Variants in PABIR3 observed in about 807,000 individuals in gnomAD.
PABIR3 encodes the protein PABIR family member 3.
Under a neutral mutation model 23.1 loss-of-function variants are expected in PABIR3, and 20 were observed. The ratio of observed to expected loss-of-function variants is 0.86; its 90% confidence interval spans 0.61 to 1.26. PABIR3 has a LOEUF of 1.26. Ranked by LOEUF, PABIR3 falls within the 50% of genes most tolerant of loss-of-function variation. The pLI, the probability that PABIR3 is intolerant of heterozygous loss-of-function variation, is 0.00. For missense variants in PABIR3, 189 were observed against 195.4 expected (o/e 0.97, Z 0.20); for synonymous variants, 69 against 68.5 (o/e 1.01, Z -0.04).
chrX:134,804,119 C>T (rs896549293), upstream of PABIR3: 4 of 774,488 alleles, frequency 5.2e-6, no homozygotes, highest in South Asian at 2.3e-5. Flanking sequence ...CTGGGACAGA[C>T]GCAGCAGACT....
chrX:134,800,410 G>A (rs1461682678), intron 1 of PABIR3, among the ~76,000 whole-genome samples: 2 of 111,318 alleles, frequency 1.8e-5, no homozygotes, highest in African/African-American at 6.5e-5. Flanking sequence ...ATTGCAGTGA[G>A]AGATCACGCC....
intron 2 of PABIR3, chrX:134,811,025 T>A: frequency 4.0e-6 from 3 of 754,503 alleles, no homozygotes; most frequent in Non-Finnish European, 4.7e-6. Context: ...TGCTTGATGT[T>A]TCTTCTATAT....
intron 1 of PABIR3, among the ~76,000 whole-genome samples, chrX:134,799,015 A>G (rs1178744021): frequency 8.9e-6 from 1 of 112,436 alleles, no homozygotes; most frequent in Non-Finnish European, 1.9e-5. Context: ...ACTCAATGAA[A>G]AAGTGTTTAA....
At chrX:134,816,814 A>G (rs2081004921) in intron 3 of PABIR3, among the ~76,000 whole-genome samples, 1 of 112,305 alleles carries the variant, frequency 8.9e-6, no homozygotes, top group Admixed American at 9.5e-5. Flanking sequence ...TTATAATATG[A>G]TTTGTAATGT....
chrX:134,839,902 G>A (rs1282292139), intron 4 of PABIR3, among the ~76,000 whole-genome samples: 1 of 112,812 alleles, frequency 8.9e-6, no homozygotes, highest in Non-Finnish European at 1.9e-5. Context: ...TGACAATGGC[G>A]GTTTTGTGGA....
chrX:134,846,760 G>A (rs894443740), intron 6 of PABIR3, among the ~76,000 whole-genome samples: 5 of 111,709 alleles, frequency 4.5e-5, no homozygotes, highest in Non-Finnish European at 7.5e-5. Flanking sequence ...ACAATTGATC[G>A]ATACTGCTGG....
At chrX:134,847,308 G>C (rs1410282237) in intron 6 of PABIR3, 75 bp from the exon 7 acceptor site, 2 of 766,622 alleles carry the variant, frequency 2.6e-6, no homozygotes, top group Non-Finnish European at 3.9e-6. Context: ...TCACTTCCCT[G>C]TGCAACAGGT....
rs185240191 is a variant in PABIR3, at chrX:134,808,917, G to A, written c.110+1209G>A. ...GGTGATACTTCCCCCAAGGGGAAGA[G>A]AAAATAGTTCTTGGGGGAGTGTGAA... On this transcript the variant is annotated intron_variant, in intron 2 of 10. Coordinates refer to ENST00000645433, the MANE Select transcript of PABIR3 (RefSeq NM_001388447.1). Among the ~76,000 whole-genome samples the A allele has an allele frequency of 8.9e-3, 998 of 112,025 alleles. 13 individuals are homozygous for A. Among genetic ancestry groups the A allele is most frequent in the African/African-American group, 0.031 (946 of 30,816 alleles).
At chrX:134,808,814 G>A (rs1216074943) in intron 2 of PABIR3, among the ~76,000 whole-genome samples, 4 of 112,340 alleles carry the variant, frequency 3.6e-5, no homozygotes, top group African/African-American at 1.3e-4. Flanking sequence ...ACTGCTCCTG[G>A]CCTACACCTA....
chrX:134,807,496 T>C (rs1281742048), intron 1 of PABIR3, 44 bp from the exon 2 acceptor site: 2 of 1,159,003 alleles, frequency 1.7e-6, no homozygotes, highest in Non-Finnish European at 2.3e-6. Context: ...CTCTTCTCTT[T>C]TTCCCCTTTG....
At chrX:134,810,706 T>C (rs922156086) in intron 2 of PABIR3, 62 of 752,580 alleles carry the variant, frequency 8.2e-5, no homozygotes, top group South Asian at 4.1e-4. Flanking sequence ...CCTTTTTTTT[T>C]CCTTCCTTGG....
chrX:134,833,087 G>A (rs768498342), intron 4 of PABIR3: 2 of 110,857 alleles, frequency 1.8e-5, no homozygotes, highest in Non-Finnish European at 3.8e-5. Context: ...TTGCAGTGGG[G>A]GGGTGCTGGA....
downstream of PABIR3, among the ~76,000 whole-genome samples, chrX:134,855,742 C>T (rs1444244859): frequency 8.9e-6 from 1 of 111,756 alleles, no homozygotes; most frequent in Non-Finnish European, 1.9e-5. Context: ...GGAGAAGATT[C>T]TATTCAATTA....
At chrX:134,828,047 C>CTCTCTCTCTCTCTCTCTCTA (rs1466733144) in intron 3 of PABIR3, among the ~76,000 whole-genome samples, 4 of 49,416 alleles carry the variant, frequency 8.1e-5, no homozygotes, top group African/African-American at 3.3e-4. Flanking sequence ...CTCTCTCTCT[C>CTCTCTCTCTCTCTCTCTCTA]TATATATATA....
chrX:134,847,781 C>T (rs760233210), intron 7 of PABIR3, 102 bp from the exon 8 acceptor site: 18 of 607,658 alleles, frequency 3.0e-5, no homozygotes, highest in Non-Finnish European at 4.4e-5. Context: ...CTTTTGTACC[C>T]CAGTCTCCCT....
At chrX:134,834,431 T>A (rs2081909201) in intron 4 of PABIR3, among the ~76,000 whole-genome samples, 2 of 112,275 alleles carry the variant, frequency 1.8e-5, no homozygotes, top group African/African-American at 6.5e-5. Context: ...ATGGGTAGAT[T>A]GCAAAACTTA....
intron 4 of PABIR3, among the ~76,000 whole-genome samples, chrX:134,832,394 C>CTTTT (rs1162024470): frequency 9.1e-5 from 7 of 77,036 alleles, no homozygotes; most frequent in Non-Finnish European, 1.4e-4. Context: ...GACTGGATCC[C>CTTTT]TTTTTTTTTT....
chrX:134,829,184 CA>C, intron 3 of PABIR3, 41 bp from the exon 4 acceptor site: 2 of 1,104,105 alleles, frequency 1.8e-6, no homozygotes, highest in Admixed American at 2.2e-5. Context: ...TAATTAATCA[CA>C]AACATTAAAG....
intron 3 of PABIR3, chrX:134,821,684 T>G (rs934144463): frequency 9.7e-7 from 1 of 1,035,312 alleles, no homozygotes; most frequent in African/African-American, 1.9e-5. Context: ...CCAAATCTAG[T>G]GTATGGCCCA....
Sources: allele counts gnomAD v4.1 joint callset (sites outside exome capture counted in the v4.1 genomes callset), GRCh38; gene constraint gnomAD v4.1.1; transcripts MANE v1.5; gene names NCBI Gene and HGNC (gene_info 2026-07-23, HGNC 2026-07-21).